The following TJAP1 variants were observed in gnomAD, a reference collection of about 807,000 sequenced individuals.
TJAP1 encodes the protein tight junction associated protein 1.
In TJAP1, 27 loss-of-function variants were observed where a neutral mutation model predicts 42.0. The observed-to-expected ratio is 0.64, with a 90% CI of 0.47 to 0.89. The LOEUF (loss-of-function observed/expected upper bound fraction) is 0.89. TJAP1 is among the 40% of genes least tolerant of loss of function. The pLI is 0.00. For synonymous variants in TJAP1, 257 were observed against 288.4 expected, an observed-to-expected ratio of 0.89 and a Z score of 1.10; for missense variants, 712 against 726.9, an observed-to-expected ratio of 0.98 and a Z score of 0.24.
Position 43,505,433 on chromosome 6 carries a change from T to C in TJAP1, c.1252T>C (p.Phe418Leu). 4.3e-6 allele frequency: 7 copies of C among 1,613,004 alleles called. No homozygotes were observed. Among genetic ancestry groups the C allele is most frequent in the African/African-American group, 1.3e-5 (1 of 75,040 alleles). The change falls in exon 11 of 11, where the codon TTT (phenylalanine) becomes CTT (leucine). Residue 418 changes from phenylalanine (F) to leucine (L), a missense_variant. By Grantham distance (22) the Phe-to-Leu change is conservative. Around this residue, in one of 3 missense-constraint regions of TJAP1, gnomAD observed 549 missense variants for 528.2 expected, o/e 1.04. Coordinates refer to ENST00000372449, the Ensembl canonical transcript of TJAP1. The surrounding 1 kb of genome is among the most constrained non-coding windows in gnomAD (Gnocchi z 5.5). ...CCTGCTGGTCAGCTGGCAGCGGGCA[T>C]TTGTGGACCGTACTCCACCACCTGC...
chr6:43,487,870 G>GTTTTT (rs549444658), intron 2 of TJAP1, among the ~76,000 whole-genome samples: 1 of 138,356 alleles, frequency 7.2e-6, no homozygotes, highest in African/African-American at 2.7e-5. Flanking sequence ...CCTTCTAGTA[G>GTTTTT]TTTTTTTTTT....
exon 11 of TJAP1, chr6:43,506,489 C>T (rs1792392658): frequency 6.5e-6 from 1 of 152,790 alleles, no homozygotes; most frequent in Non-Finnish European, 1.5e-5. Context: ...GACTGTTACT[C>T]TTAAGCTTTG....
intron 3 of TJAP1, 86 bp from the exon 4 acceptor site, chr6:43,498,892 G>T: frequency 1.4e-6 from 2 of 1,435,348 alleles, no homozygotes; most frequent in Non-Finnish European, 1.9e-6. Context: ...CTCAACATAT[G>T]TCCCCTTTCA....
At chr6:43,504,852 G>A (rs1031494154) in exon 11 of TJAP1, 3 of 1,614,044 alleles carry the variant, frequency 1.9e-6, no homozygotes, top group African/African-American at 1.3e-5. Flanking sequence ...CTAGCCCCAG[G>A]GGCTGTGGTG....
At chr6:43,504,106 G>T in intron 10 of TJAP1, 1 of 332,934 alleles carries the variant, frequency 3.0e-6, no homozygotes, top group Non-Finnish European at 5.9e-6. Flanking sequence ...AGAAGAAGTA[G>T]AGGTATTTCT....
chr6:43,498,966 G>A lies in TJAP1; in HGVS notation c.-24-12G>A. On this transcript the variant is annotated splice_polypyrimidine_tract_variant and intron_variant, in intron 3 of 10. Transcript: ENST00000372449. ...ACATCTCTGAGCCTGCCTCCTTCTT[G>A]CTTCTCAGCAGGCGGAGGAGCCGTC... 6.2e-7 allele frequency: 1 copy of A among 1,610,294 alleles called. No individual in the cohort carries two copies. The highest frequency in any genetic ancestry group is 8.5e-7 in the Non-Finnish European group (1 of 1,179,030).
intron 6 of TJAP1, 98 bp downstream of exon 6, chr6:43,501,785 GTCTCTGTC>G: frequency 1.7e-6 from 1 of 604,116 alleles, no homozygotes; most frequent in Non-Finnish European, 3.0e-6. Flanking sequence ...CTCTCTCTGT[GTCTCTGTC>G]TCTCTCCTTT....
At chr6:43,496,024 T>C (rs909798902) in intron 2 of TJAP1, among the ~76,000 whole-genome samples, 2 of 151,854 alleles carry the variant, frequency 1.3e-5, no homozygotes, top group Non-Finnish European at 2.9e-5. Flanking sequence ...TACAGAGGAA[T>C]AGAGGAGGGG....
At chr6:43,493,763 ATT>A (rs1192830171) in intron 2 of TJAP1, among the ~76,000 whole-genome samples, 1 of 152,050 alleles carries the variant, frequency 6.6e-6, no homozygotes, top group Admixed American at 6.5e-5. Flanking sequence ...AAGATAGTAT[ATT>A]GGGGAGCAGC....
exon 11 of TJAP1, chr6:43,504,964 T>C (rs747103650): frequency 1.9e-6 from 3 of 1,614,110 alleles, no homozygotes; most frequent in Admixed American, 1.7e-5. Flanking sequence ...AGGATGTCTT[T>C]GTGCATGTGG....
At chr6:43,490,125 G>C (rs1261953021) in intron 2 of TJAP1, among the ~76,000 whole-genome samples, 1 of 152,164 alleles carries the variant, frequency 6.6e-6, no homozygotes, top group Non-Finnish European at 1.5e-5. Context: ...TCCCTCCTTA[G>C]CTTATATCAC....
At chr6:43,486,977 C>T (rs772955076) in intron 2 of TJAP1, among the ~76,000 whole-genome samples, 12 of 152,060 alleles carry the variant, frequency 7.9e-5, no homozygotes, top group African/African-American at 1.9e-4. Flanking sequence ...TGGCAACTTG[C>T]GGGAAGTAAT....
rs1416101438 is a variant in TJAP1 at position 43,505,556 on chromosome 6, G to C, written c.1375G>C (p.Ala459Pro). 1 of 1,613,818 alleles carries C rather than the reference G, an allele frequency of 6.2e-7. No individual in the cohort carries two copies. ...CGCTGACAGAGATGAGGTGGTCCAG[G>C]CACCTTCTGCCCGACCCGAAGAGAG... The change falls in exon 11 of 11, where the codon GCA becomes CCA. Residue 459 changes from alanine (A) to proline (P), a missense_variant. Around this residue, in one of 3 missense-constraint regions of TJAP1, gnomAD observed 549 missense variants for 528.2 expected, o/e 1.04. Coordinates refer to ENST00000372449, the Ensembl canonical transcript of TJAP1. The surrounding 1 kb of genome is among the most constrained non-coding windows in gnomAD (Gnocchi z 5.5).
rs1437898846 is a variant in TJAP1, at chr6:43,505,384, T to C, written c.1203T>C (p.Ala401=). The change falls in exon 11 of 11, where the codon GCT becomes GCC. Residue 401 remains alanine, a synonymous_variant. Coordinates refer to ENST00000372449, the Ensembl canonical transcript of TJAP1. This position sits in a 1 kb window ranked among gnomAD's most constrained non-coding sequence, Gnocchi z 5.5. ...CACCCCTAACACTCAGTGCCCCAGCTAGCTCTGCCAGCTCTGAAGAGGACC... is the reference window on the plus strand; with the variant it reads ...CACCCCTAACACTCAGTGCCCCAGCCAGCTCTGCCAGCTCTGAAGAGGACC... 6.2e-7 allele frequency: 1 copy of C among 1,610,976 alleles called. No homozygotes were observed. The highest frequency in any genetic ancestry group is 1.3e-5 in the African/African-American group (1 of 74,998).
intron 10 of TJAP1, chr6:43,504,117 T>C (rs1582129914): frequency 1.7e-5 from 3 of 172,994 alleles, no homozygotes; most frequent in South Asian, 2.1e-4. Flanking sequence ...AGGTATTTCT[T>C]TTTTTTTTTT....
In TJAP1 at chr6:43,491,884, A is replaced by C. The variant is rs973535975; in HGVS notation, c.-121-5997A>C. On this transcript the variant is annotated intron_variant, in intron 2 of 10. Transcript: ENST00000372449. The surrounding 1 kb of genome is among the most constrained non-coding windows in gnomAD (Gnocchi z 4.6). ...AATGCAGAGATGTTTAGGGACCCCA[A>C]ATGGGGAGTTAACAAGCTGGAGGCT... 6.6e-6 allele frequency among the ~76,000 whole-genome samples: 1 copy of C among 152,182 alleles called. No homozygotes were observed. Among genetic ancestry groups the C allele is most frequent in the African/African-American group, 2.4e-5 (1 of 41,454 alleles).
At chr6:43,502,076 ACTCTCTCTCTCTCT>A (rs529451483) in intron 6 of TJAP1, among the ~76,000 whole-genome samples, 193 bp from the exon 7 acceptor site, 2 of 68,930 alleles carry the variant, frequency 2.9e-5, no homozygotes, top group African/African-American at 7.7e-5. Context: ...ACACACACAC[ACTCTCTCTCTCTCT>A]CTCTCTCTCT....
rs1217687765 is a variant in TJAP1 at position 43,505,012 on chromosome 6, C to T, written c.831C>T (p.Pro277=). The change falls in exon 11 of 11, where the codon CCC becomes CCT. Residue 277 remains proline (P), a synonymous_variant. Coordinates refer to ENST00000372449, the Ensembl canonical transcript of TJAP1. The surrounding 1 kb of genome is among the most constrained non-coding windows in gnomAD (Gnocchi z 5.5). ...GTGTCCCAGGTGATCCAGCCAGTCC[C>T]CCGGCCCCTGGCAGCCCCACCCCAC... is the stretch of plus-strand genomic sequence containing the variant. 3.7e-6 allele frequency: 6 copies of T among 1,614,076 alleles called. No individual in the cohort carries two copies. Among genetic ancestry groups the T allele is most frequent in the South Asian group, 2.2e-5 (2 of 91,086 alleles).
At chr6:43,489,384 G>A (rs1014114334) in intron 2 of TJAP1, among the ~76,000 whole-genome samples, 1 of 152,202 alleles carries the variant, frequency 6.6e-6, no homozygotes, top group East Asian at 1.9e-4. Context: ...CCGTGCTGTT[G>A]ACTGGCCCAG....
Sources: allele counts gnomAD v4.1 joint callset (sites outside exome capture counted in the v4.1 genomes callset), GRCh38; gene constraint gnomAD v4.1.1; regional missense constraint gnomAD v4.1.1; non-coding constraint Gnocchi (gnomAD v3.1); transcripts MANE v1.5; gene names NCBI Gene and HGNC (gene_info 2026-07-23, HGNC 2026-07-21).